The following PINX1 variants were observed in gnomAD, a reference collection of about 807,000 sequenced individuals.
PINX1 encodes the protein PIN2 (TERF1) interacting telomerase inhibitor 1.
Under a neutral mutation model 25.4 loss-of-function variants are expected in PINX1, and 34 were observed. That is an observed-to-expected ratio of 1.34 (90% confidence interval 1.02 to 1.78). PINX1 has a LOEUF of 1.78. PINX1 is among the 40% of genes most tolerant of loss of function. PINX1 has a pLI of 0.00. For synonymous variants in PINX1, 197 were observed against 147.7 expected (o/e 1.33, Z -2.42); for missense variants, 592 against 404.9 (o/e 1.46, Z -3.97).
At chr8:10,766,800 T>A (rs1265759661) in intron 6 of PINX1, among the ~76,000 whole-genome samples, 1 of 152,188 alleles carries the variant, frequency 6.6e-6, no homozygotes, top group African/African-American at 2.4e-5. Context: ...AAAAGTACAT[T>A]TTGCTGTAAA....
chr8:10,766,655 G>A (rs1346764353), intron 6 of PINX1, among the ~76,000 whole-genome samples: 1 of 152,196 alleles, frequency 6.6e-6, no homozygotes, highest in African/African-American at 2.4e-5. Context: ...GTATACTCGG[G>A]ACTGTGTTTG....
At chr8:10,834,881 T>C in intron 1 of PINX1, 106 bp from the exon 2 acceptor site, 2 of 714,692 alleles carry the variant, frequency 2.8e-6, no homozygotes, top group East Asian at 2.7e-5. Flanking sequence ...GTATGTAAAA[T>C]ATGACATACA....
At chr8:10,810,766 G>A (rs553666244) in intron 6 of PINX1, among the ~76,000 whole-genome samples, 25 of 152,292 alleles carry the variant, frequency 1.6e-4, no homozygotes, top group African/African-American at 5.8e-4. Context: ...GAAGGTCACT[G>A]CCTTAGTCAT....
intron 5 of PINX1, among the ~76,000 whole-genome samples, chr8:10,824,361 T>C (rs1563233141): frequency 1.3e-5 from 2 of 152,334 alleles, no homozygotes; most frequent in South Asian, 2.1e-4. Context: ...CCTGGACTTT[T>C]GCTTCCTTCT....
intron 2 of PINX1, chr8:10,834,310 C>T (rs1399548528): frequency 1.0e-5 from 2 of 192,314 alleles, no homozygotes; most frequent in Non-Finnish European, 2.1e-5. Context: ...ACAAAACAAG[C>T]GGCCCACTGA....
intron 6 of PINX1, among the ~76,000 whole-genome samples, chr8:10,783,971 A>T (rs1032105890): frequency 6.6e-5 from 10 of 152,176 alleles, no homozygotes; most frequent in African/African-American, 2.4e-4. Context: ...TTTATTCACT[A>T]ATGTTAAGAA....
intron 6 of PINX1, among the ~76,000 whole-genome samples, chr8:10,770,609 C>T (rs1203042113): frequency 2.0e-5 from 3 of 152,224 alleles, no homozygotes; most frequent in Non-Finnish European, 2.9e-5. Flanking sequence ...GTCATTCAAA[C>T]ATGTATACTG....
At chr8:10,786,182 G>A (rs976509820) in intron 6 of PINX1, among the ~76,000 whole-genome samples, 1 of 152,110 alleles carries the variant, frequency 6.6e-6, no homozygotes, top group African/African-American at 2.4e-5. Context: ...TCACTTCCTT[G>A]CCAATATATT....
At chr8:10,820,436 T>G (rs1586193829) in intron 5 of PINX1, 167 bp from the exon 6 acceptor site, 1 of 657,320 alleles carries the variant, frequency 1.5e-6, no homozygotes, top group East Asian at 2.7e-5. Context: ...CTTTCATTAG[T>G]AAACAAAATT....
At position 10,826,176 on chromosome 8, in the gene PINX1, C is replaced by G. The variant is rs1774452012; in HGVS notation, c.370G>C (p.Val124Leu). The G allele has an allele frequency of 6.3e-7, 1 of 1,581,966 alleles. No homozygotes were observed. Among genetic ancestry groups the G allele is most frequent in the East Asian group, 2.2e-5 (1 of 44,684 alleles). The part of the protein sequence containing the change: ...EEKSKISKNR[V>L]HYMKFTKGKD... The stretch of plus-strand genomic sequence containing the variant: ...CCTTTTGTGAATTTCATATAGTGAA[C>G]ACGGTTTTTGGAGATTTTGGACTTT... The change falls in exon 5 of 7, where the codon GTT (valine) becomes CTT (leucine). Residue 124 changes from valine to leucine, a missense_variant. Val to Leu is a conservative substitution (Grantham distance 32, BLOSUM62 1). Transcript: ENST00000314787.
rs116584262 is a variant in PINX1 at position 10,770,011 on chromosome 8, T to C, written c.472-4095A>G. Among the ~76,000 whole-genome samples the C allele has an allele frequency of 4.1e-3, 626 of 152,370 alleles. 3 individuals carry two copies. The highest frequency in any genetic ancestry group is 0.014 in the African/African-American group (596 of 41,582). The stretch of plus-strand genomic sequence containing the variant: ...AAAACTACATCATTTTGGTTTGCAA[T>C]TCATATAAATAAAAAACAGCCTGAA... On this transcript the variant is annotated intron_variant, in intron 6 of 6. Transcript: ENST00000314787.
intron 6 of PINX1, among the ~76,000 whole-genome samples, chr8:10,784,229 A>G (rs990565012): frequency 1.3e-5 from 2 of 152,232 alleles, no homozygotes; most frequent in African/African-American, 4.8e-5. Flanking sequence ...CTAAAACGAA[A>G]TGACTGATTT....
chr8:10,820,526 T>C (rs1051418051), intron 5 of PINX1, among the ~76,000 whole-genome samples: 3 of 152,348 alleles, frequency 2.0e-5, no homozygotes, highest in South Asian at 2.1e-4. Context: ...ACCTAGAGCA[T>C]ACTGACTGCA....
intron 6 of PINX1, among the ~76,000 whole-genome samples, chr8:10,782,625 ACT>A (rs1214477901): frequency 6.6e-6 from 1 of 152,010 alleles, no homozygotes; most frequent in African/African-American, 2.4e-5. Context: ...AATCCCAGCC[ACT>A]CAGGAGGCTG....
At chr8:10,830,846 C>T (rs978430063) in intron 4 of PINX1, among the ~76,000 whole-genome samples, 1 of 152,182 alleles carries the variant, frequency 6.6e-6, no homozygotes, top group Non-Finnish European at 1.5e-5. Flanking sequence ...GAAATTGGAA[C>T]TCTTATGCAC....
intron 6 of PINX1, among the ~76,000 whole-genome samples, chr8:10,819,869 C>T (rs1166856705): frequency 6.6e-6 from 1 of 152,108 alleles, no homozygotes; most frequent in East Asian, 1.9e-4. Context: ...CTCCCCTTCT[C>T]GGCCATGGAA....
chr8:10,831,805 G>A (rs1798235370), intron 3 of PINX1, 62 bp from the exon 4 acceptor site: 2 of 905,738 alleles, frequency 2.2e-6, no homozygotes, highest in South Asian at 3.0e-5. Flanking sequence ...TGACTGAGAT[G>A]ATACATTTTG....
intron 5 of PINX1, among the ~76,000 whole-genome samples, chr8:10,820,868 C>A (rs1173192428): frequency 1.3e-5 from 2 of 152,188 alleles, no homozygotes; most frequent in Admixed American, 1.3e-4. Context: ...ATGTTCTTTA[C>A]TGCTCTAGCT....
At chr8:10,837,057 AG>A (rs1040462741) in intron 1 of PINX1, among the ~76,000 whole-genome samples, 4 of 152,234 alleles carry the variant, frequency 2.6e-5, no homozygotes, top group Non-Finnish European at 2.9e-5. Context: ...ATCCTTTGAA[AG>A]GCCTGTTCAT....
Sources: allele counts gnomAD v4.1 joint callset (sites outside exome capture counted in the v4.1 genomes callset), GRCh38; gene constraint gnomAD v4.1.1; transcripts MANE v1.5; gene names NCBI Gene and HGNC (gene_info 2026-07-23, HGNC 2026-07-21).